Variants in PRKG1 observed in about 807,000 individuals in gnomAD.
PRKG1 encodes the protein cGMP-dependent protein kinase 1.
A neutral mutation model predicts 88.1 loss-of-function variants in PRKG1; 35 were observed. The observed-to-expected ratio is 0.40, with a 90% CI of 0.30 to 0.53. The LOEUF (loss-of-function observed/expected upper bound fraction) is 0.53, where lower values mean the gene tolerates loss of function less well. Among genes scored for constraint, PRKG1 ranks in the 20% least tolerant of loss-of-function variants. The probability of loss-of-function intolerance (pLI) is 0.59; values close to 1 mark genes in which losing one functional copy is unlikely to be tolerated. For synonymous variants in PRKG1, 303 were observed against 292.5 expected, an observed-to-expected ratio of 1.04 and a Z score of -0.37; for missense variants, 540 against 839.8, an observed-to-expected ratio of 0.64 and a Z score of 4.41.
chr10:52,148,957 C>CTTTTTTTTTTT (rs71904885), intron 8 of PRKG1, among the ~76,000 whole-genome samples: 5 of 55,160 alleles, frequency 9.1e-5, no homozygotes, highest in African/African-American at 3.7e-4. Flanking sequence ...GATAGTTTTG[C>CTTTTTTTTTTT]TTTTTTTTTT....
intron 5 of PRKG1, among the ~76,000 whole-genome samples, chr10:51,939,436 C>A (rs570108986): frequency 2.0e-5 from 3 of 151,536 alleles, no homozygotes; most frequent in Non-Finnish European, 2.9e-5. Flanking sequence ...TGATTACAAC[C>A]CTGAACAGAT....
At chr10:52,115,410 G>A (rs2132598811) in intron 7 of PRKG1, among the ~76,000 whole-genome samples, 1 of 152,022 alleles carries the variant, frequency 6.6e-6, no homozygotes, top group South Asian at 2.1e-4. Context: ...TGCCTATTTG[G>A]CCCTAGAGCT....
intron 2 of PRKG1, among the ~76,000 whole-genome samples, chr10:51,190,964 A>G (rs889648123): frequency 6.6e-6 from 1 of 151,882 alleles, no homozygotes; most frequent in Non-Finnish European, 1.5e-5. Flanking sequence ...TATTATGCTC[A>G]GGTGATCACA....
chr10:52,150,128 A>G (rs959281517), intron 8 of PRKG1, among the ~76,000 whole-genome samples: 5 of 139,800 alleles, frequency 3.6e-5, no homozygotes, highest in Non-Finnish European at 7.7e-5. Context: ...AGCCTGGGCA[A>G]CAGAGCAAGA....
intron 3 of PRKG1, among the ~76,000 whole-genome samples, chr10:51,752,102 T>A (rs1837740993): frequency 6.6e-6 from 1 of 152,222 alleles, no homozygotes; most frequent in South Asian, 2.1e-4. Flanking sequence ...TTTCCTCAGC[T>A]ACTGTTGCAT....
intron 9 of PRKG1, among the ~76,000 whole-genome samples, chr10:52,208,874 T>C (rs1839885494): frequency 6.6e-6 from 1 of 152,170 alleles, no homozygotes; most frequent in South Asian, 2.1e-4. Flanking sequence ...TCTAATGAAG[T>C]TTGTCTACAG....
intron 3 of PRKG1, among the ~76,000 whole-genome samples, chr10:51,725,792 C>A (rs562991616): frequency 6.6e-6 from 1 of 151,916 alleles, no homozygotes; most frequent in Non-Finnish European, 1.5e-5. Flanking sequence ...TGCCACCATG[C>A]CTGGCTAATT....
chr10:51,133,534 C>A (rs1291400971), intron 1 of PRKG1, among the ~76,000 whole-genome samples: 1 of 152,108 alleles, frequency 6.6e-6, no homozygotes, highest in African/African-American at 2.4e-5. Context: ...GAGGAAATAG[C>A]AGGAAAAAAG....
At chr10:51,456,711 C>A (rs1839595969) in intron 2 of PRKG1, among the ~76,000 whole-genome samples, 1 of 152,026 alleles carries the variant, frequency 6.6e-6, no homozygotes. Flanking sequence ...GACTAATATC[C>A]AGAATCTACA....
At position 51,151,932 on chromosome 10, in the gene PRKG1, C is replaced by T. The variant is rs114774798; in HGVS notation, c.312-1232C>T. Among the ~76,000 whole-genome samples the T allele has an allele frequency of 5.0e-3, 758 of 152,076 alleles. 9 individuals carry two copies. The highest frequency in any genetic ancestry group is 0.017 in the African/African-American group (707 of 41,518). ...CCGCAGGTCACTCCCCTGGAAGCCA[C>T]TTGCTAAGGAAATGAGGACTAAGGT... On this transcript the variant is annotated intron_variant, in intron 1 of 17. Transcript: ENST00000373980.
At chr10:51,745,735 G>A (rs530036085) in intron 3 of PRKG1, among the ~76,000 whole-genome samples, 137 of 152,300 alleles carry the variant, frequency 9.0e-4, no homozygotes, top group African/African-American at 3.0e-3. Context: ...CAGGCTGGGC[G>A]TGGTGTCTCA....
intron 3 of PRKG1, among the ~76,000 whole-genome samples, chr10:51,583,513 A>C (rs183310038): frequency 4.6e-5 from 7 of 152,192 alleles, no homozygotes; most frequent in Admixed American, 4.6e-4. Context: ...ACCCATTAGT[A>C]GGTCCTATCT....
intron 1 of PRKG1, among the ~76,000 whole-genome samples, chr10:51,130,125 G>A (rs1255560763): frequency 6.6e-6 from 1 of 152,166 alleles, no homozygotes; most frequent in African/African-American, 2.4e-5. Flanking sequence ...GTAAATCAGG[G>A]CTTTAGTTAC....
chr10:51,945,027 G>T (rs1224615905), intron 5 of PRKG1, among the ~76,000 whole-genome samples: 3 of 150,644 alleles, frequency 2.0e-5, no homozygotes, highest in Non-Finnish European at 4.4e-5. Context: ...TTTCTGTCTC[G>T]TTGATCTGTC....
intron 3 of PRKG1, among the ~76,000 whole-genome samples, chr10:51,725,914 C>G (rs1159120079): frequency 6.6e-6 from 1 of 152,178 alleles, no homozygotes; most frequent in Non-Finnish European, 1.5e-5. Flanking sequence ...GCTGGGATTA[C>G]AGGCATGAGC....
chr10:51,272,010 T>C (rs188492539), intron 2 of PRKG1, among the ~76,000 whole-genome samples: 1 of 152,344 alleles, frequency 6.6e-6, no homozygotes, highest in East Asian at 1.9e-4. Context: ...TCCACAATGG[T>C]TGAACAAATT....
intron 14 of PRKG1, among the ~76,000 whole-genome samples, chr10:52,286,612 G>T (rs910174420): frequency 1.3e-5 from 2 of 151,922 alleles, no homozygotes; most frequent in South Asian, 4.1e-4. Flanking sequence ...ATTAAGGTGG[G>T]AGGTAAAGCA....
intron 7 of PRKG1, among the ~76,000 whole-genome samples, chr10:52,133,181 C>G (rs1439268322): frequency 6.6e-6 from 1 of 151,794 alleles, no homozygotes; most frequent in Non-Finnish European, 1.5e-5. Context: ...CATAAGATAC[C>G]AGGATAGATT....
chr10:51,686,276 A>AT (rs531995267), intron 3 of PRKG1, among the ~76,000 whole-genome samples: 4 of 152,064 alleles, frequency 2.6e-5, no homozygotes, highest in South Asian at 2.1e-4. Flanking sequence ...CCCAAAAGGC[A>AT]TTTTTTTCTG....
Sources: allele counts gnomAD v4.1 joint callset (sites outside exome capture counted in the v4.1 genomes callset), GRCh38; gene constraint gnomAD v4.1.1; transcripts MANE v1.5; gene names NCBI Gene and HGNC (gene_info 2026-07-23, HGNC 2026-07-21).